Variants in DZIP1 observed in about 807,000 individuals in gnomAD.
The protein encoded by DZIP1 is DAZ interacting zinc finger protein 1.
Under a neutral mutation model 107.6 loss-of-function variants are expected in DZIP1, and 97 were observed. The observed-to-expected ratio is 0.90, with a 90% CI of 0.77 to 1.07. The LOEUF (loss-of-function observed/expected upper bound fraction) is 1.07, where lower values mean the gene tolerates loss of function less well. Ranked by LOEUF, DZIP1 falls within the 50% of genes least tolerant of loss-of-function variation. The pLI is 0.00. For synonymous variants in DZIP1, 390 were observed against 386.4 expected (o/e 1.01, Z -0.11); for missense variants, 1,035 against 1,063.6 (o/e 0.97, Z 0.37).
chr13:95,635,890 A>C (rs1207630999), intron 5 of DZIP1, among the ~76,000 whole-genome samples: 1 of 151,602 alleles, frequency 6.6e-6, no homozygotes, highest in Non-Finnish European at 1.5e-5. Flanking sequence ...GGATGCAAAC[A>C]CACCACCCTG....
At position 95,578,285 on chromosome 13, in the gene DZIP1, G is replaced by T; in HGVS notation, c.*3949C>A. 1 of 245,114 alleles carries T rather than the reference G, an allele frequency of 4.1e-6. No individual in the cohort carries two copies. The highest frequency in any genetic ancestry group is 7.6e-5 in the South Asian group (1 of 13,158). 15.2% of individuals were successfully genotyped at this position (245,114 alleles called of 1,614,324 possible). ...TTATATAGAACATGAAAAGCATTTA[G>T]TACCAAAGGTTCAAGAAGTATTCGT... On this transcript the variant is annotated 3_prime_UTR_variant, in exon 23 of 23. Transcript: ENST00000376829.
intron 5 of DZIP1, 116 bp from the exon 6 acceptor site, chr13:95,633,437 C>T: frequency 1.2e-6 from 1 of 824,820 alleles, no homozygotes; most frequent in Non-Finnish European, 2.0e-6. Context: ...AATCCCAGCA[C>T]TTTAGGAGGT....
chr13:95,630,705 T>C (rs180768719), intron 6 of DZIP1: 3 of 1,249,016 alleles, frequency 2.4e-6, no homozygotes, highest in South Asian at 1.4e-5. Flanking sequence ...CTTATGTACA[T>C]GTACTTACAT....
intron 22 of DZIP1, chr13:95,584,521 A>G: frequency 1.1e-6 from 1 of 936,510 alleles, no homozygotes; most frequent in Non-Finnish European, 1.4e-6. Flanking sequence ...TTTAAAGACT[A>G]AAGATTAGTC....
intron 10 of DZIP1, among the ~76,000 whole-genome samples, chr13:95,616,681 A>G (rs4643171): frequency 0.99 from 150,657 of 152,314 alleles, 74,534 homozygotes; most frequent in Middle Eastern, 1. Flanking sequence ...GCCAGAGGCA[A>G]TGGGGTAGGC....
At chr13:95,587,757 C>A in intron 19 of DZIP1, 28 bp from the exon 20 acceptor site, 1 of 1,601,190 alleles carries the variant, frequency 6.2e-7, no homozygotes, top group African/African-American at 1.3e-5. Context: ...GAGATAGGGG[C>A]GCTGTTTTCG....
chr13:95,599,496 A>G (rs1380850633), intron 14 of DZIP1, 72 bp from the exon 15 acceptor site: 3 of 1,268,816 alleles, frequency 2.4e-6, no homozygotes, highest in Non-Finnish European at 3.4e-6. Flanking sequence ...CTTTCAAATG[A>G]TTTTGAAAGA....
chr13:95,582,253 C>T lies in DZIP1; in HGVS notation c.2585G>A (p.Ser862Asn), dbSNP rs774623461. The change falls in exon 23 of 23, where the codon AGC (serine) becomes AAC (asparagine). Residue 862 changes from serine (S) to asparagine (N), a missense_variant. Physicochemically the swap from Ser to Asn is conservative, Grantham distance 46. Transcript: ENST00000376829. ...GTGGAATTAGACATCTGAAGTGTCGCTCCAATCAGTCACAGTTACTAAGCT... is the reference window on the plus strand; with the variant it reads ...GTGGAATTAGACATCTGAAGTGTCGTTCCAATCAGTCACAGTTACTAAGCT... ...KSSLVTVTDW[S>N]DTSDV is the part of the protein sequence containing the mutation. 6.2e-7 allele frequency: 1 copy of T among 1,614,130 alleles called. No individual in the cohort carries two copies. Among genetic ancestry groups the T allele is most frequent in the Non-Finnish European group, 8.5e-7 (1 of 1,179,998 alleles).
At chr13:95,628,312 G>C (rs1876799291) in intron 7 of DZIP1, among the ~76,000 whole-genome samples, 1 of 151,956 alleles carries the variant, frequency 6.6e-6, no homozygotes, top group East Asian at 1.9e-4. Context: ...CAAAATACTG[G>C]GATTACAGTT....
At chr13:95,600,036 C>T (rs554494403) in intron 14 of DZIP1, among the ~76,000 whole-genome samples, 70 of 152,142 alleles carry the variant, frequency 4.6e-4, no homozygotes, top group Non-Finnish European at 7.3e-4. Flanking sequence ...GGACTCTTCC[C>T]AATCTCACCC....
chr13:95,636,052 CA>C (rs1877765024), intron 5 of DZIP1, among the ~76,000 whole-genome samples: 1 of 151,846 alleles, frequency 6.6e-6, no homozygotes, highest in Admixed American at 6.6e-5. Context: ...AAGCTTACTG[CA>C]GGGGATCTAT....
chr13:95,623,739 G>A (rs374542526), intron 8 of DZIP1, among the ~76,000 whole-genome samples: 1 of 152,032 alleles, frequency 6.6e-6, no homozygotes, highest in Non-Finnish European at 1.5e-5. Flanking sequence ...CCAGGAGTTC[G>A]ACACCATCCT....
At position 95,641,861 on chromosome 13, in the gene DZIP1, G is replaced by A. The variant is rs1030123595; in HGVS notation, c.37-6C>T. On this transcript the variant is annotated splice_polypyrimidine_tract_variant and splice_region_variant and intron_variant, in intron 4 of 22. Coordinates refer to ENST00000376829, the MANE Select transcript of DZIP1 (RefSeq NM_198968.4). The surrounding 1 kb of genome is among the most constrained non-coding windows in gnomAD (Gnocchi z 4.3). Reference sequence around the variant, plus strand: ...TAGACATGCTTCTGGAAGGGCTGCGGGGGGCACAAAGAGAGCGCGGCGGGA... The same window carrying A: ...TAGACATGCTTCTGGAAGGGCTGCGAGGGGCACAAAGAGAGCGCGGCGGGA... 5 of 1,446,932 alleles carry A rather than the reference G, an allele frequency of 3.5e-6. No homozygotes were observed. The South Asian group carries it at 5.9e-5, about 17-fold the overall frequency. The allele number at this position is 1,446,932 out of a possible 1,614,324, so 89.6% of individuals were successfully genotyped here.
At position 95,641,460 on chromosome 13, in the gene DZIP1, G is replaced by C; in HGVS notation, c.432C>G (p.Thr144=). Residue 144 remains threonine (T), a synonymous_variant, in exon 5 of 23, where the codon ACC becomes ACG. Coordinates refer to ENST00000376829, the MANE Select transcript of DZIP1 (RefSeq NM_198968.4). This position sits in a 1 kb window ranked among gnomAD's most constrained non-coding sequence, Gnocchi z 4.3. ...SQEFLTSQLH[T]LEERLRLSHC... The stretch of plus-strand genomic sequence containing the variant: ...GGCTCAGGCGCAGCCGCTCCTCCAG[G>C]GTGTGCAGCTGCGAGGTGAGGAACT... 1 of 1,614,122 alleles carries C rather than the reference G, an allele frequency of 6.2e-7. No homozygotes were observed. The highest frequency in any genetic ancestry group is 8.5e-7 in the Non-Finnish European group (1 of 1,180,032).
intron 10 of DZIP1, 79 bp downstream of exon 10, chr13:95,619,806 A>T (rs56308186): frequency 7.0e-7 from 1 of 1,434,542 alleles, no homozygotes; most frequent in Non-Finnish European, 9.7e-7. Flanking sequence ...AAGTGGACAA[A>T]TATTATGTTT....
chr13:95,616,815 A>G (rs1275150918), intron 10 of DZIP1, among the ~76,000 whole-genome samples: 2 of 151,958 alleles, frequency 1.3e-5, no homozygotes, highest in African/African-American at 2.4e-5. Context: ...AGGTGAAGGG[A>G]CTCTGGAGAC....
chr13:95,622,239 T>A, intron 9 of DZIP1, 104 bp downstream of exon 9: 1 of 1,425,876 alleles, frequency 7.0e-7, no homozygotes, highest in Non-Finnish European at 9.7e-7. Context: ...CCTTCAGGGT[T>A]ACTAAAAAAG....
At position 95,609,028 on chromosome 13, in the gene DZIP1, T is replaced by C. The variant is rs1339346556; in HGVS notation, c.1420+429A>G. Among the ~76,000 whole-genome samples the C allele has an allele frequency of 3.3e-5, 5 of 152,212 alleles. No individual in the cohort carries two copies. The South Asian group carries it at 8.3e-4, about 25-fold the overall frequency. ...GCAGAATCTTGACAGCTCCGGGAGA[T>C]AGAGCAGATGGCCAGGCTGACCACA... On this transcript the variant is annotated intron_variant, in intron 13 of 22. Transcript: ENST00000376829.
intron 8 of DZIP1, among the ~76,000 whole-genome samples, chr13:95,623,749 TGG>T (rs1566413096): frequency 6.6e-6 from 1 of 152,214 alleles, no homozygotes; most frequent in African/African-American, 2.4e-5. Context: ...GACACCATCC[TGG>T]CCAACATGGT....
Sources: allele counts gnomAD v4.1 joint callset (sites outside exome capture counted in the v4.1 genomes callset), GRCh38; gene constraint gnomAD v4.1.1; non-coding constraint Gnocchi (gnomAD v3.1); transcripts MANE v1.5; gene names NCBI Gene and HGNC (gene_info 2026-07-23, HGNC 2026-07-21).